AMD1: variants seen among roughly 807,000 people sequenced by gnomAD.
The protein encoded by AMD1 is S-adenosylmethionine decarboxylase proenzyme.
AMD1 carries 11 observed loss-of-function variants against 40.2 expected under a neutral mutation model. That is an observed-to-expected ratio of 0.27 (90% CI 0.17 to 0.45). The LOEUF is 0.45. AMD1 is among the 20% of genes least tolerant of loss of function. AMD1 has a pLI of 1.00. For missense variants in AMD1, 257 were observed against 410.2 expected (o/e 0.63, Z 3.23); for synonymous variants, 121 against 130.8 (o/e 0.93, Z 0.51).
chr6:110,820,762 G>A, the AMD1 span, among the ~76,000 whole-genome samples: 3,293 of 152,028 alleles, frequency 0.022, 351 homozygotes, highest in East Asian at 0.35. Context: ...AATTAGCAGG[G>A]CATGGTGGTG....
intron 1 of AMD1, among the ~76,000 whole-genome samples, chr6:110,885,875 T>C (rs1185789057): frequency 6.6e-6 from 1 of 152,226 alleles, no homozygotes; most frequent in East Asian, 1.9e-4. Context: ...CTACCAGGCA[T>C]GTTTGGTGTT....
Position 110,875,218 on chromosome 6 carries a change from G to T in AMD1, c.110+3G>T. On this transcript the variant is annotated splice_donor_region_variant and intron_variant, in intron 1 of 8. Coordinates refer to ENST00000368885, the MANE Select transcript of AMD1 (RefSeq NM_001634.6). ...GGGGATCTTCGCACTATCCCAAGGT[G>T]GGTCCCCGGGGCGCTCGCTGACATC... The T allele has an allele frequency of 3.1e-6, 5 of 1,599,934 alleles. No homozygotes were observed. The highest frequency in any genetic ancestry group is 4.3e-6 in the Non-Finnish European group (5 of 1,173,472).
chr6:110,858,953 C>G, the AMD1 span: 2 of 1,058,040 alleles, frequency 1.9e-6, no homozygotes, highest in South Asian at 2.5e-5. Context: ...AGTGTGACAA[C>G]TCCTCCATGT....
At chr6:110,817,501 C>T in the AMD1 span, among the ~76,000 whole-genome samples, 1 of 151,954 alleles carries the variant, frequency 6.6e-6, no homozygotes, top group Non-Finnish European at 1.5e-5. Flanking sequence ...CCCATTTACT[C>T]GGGAGGCTGA....
the AMD1 span, chr6:110,814,915 GCACGGCCCGACTGGGATCC>G: frequency 6.5e-7 from 1 of 1,546,092 alleles, no homozygotes; most frequent in Non-Finnish European, 8.8e-7. Context: ...CGCCCCTCGG[GCACGGCCCGACTGGGATCC>G]GACCCACCCA....
chr6:110,860,097 A>G, the AMD1 span, among the ~76,000 whole-genome samples: 6 of 152,080 alleles, frequency 3.9e-5, no homozygotes, highest in African/African-American at 1.4e-4. Flanking sequence ...CAAGTGCTGG[A>G]ATTACAGGCA....
the AMD1 span, among the ~76,000 whole-genome samples, chr6:110,838,063 CAAAAA>C: frequency 1.6e-5 from 1 of 61,178 alleles, no homozygotes. Context: ...GACTCCGTCT[CAAAAA>C]AAAAAAAAAA....
chr6:110,871,616 G>A (rs1468659733), upstream of AMD1, among the ~76,000 whole-genome samples: 1 of 152,176 alleles, frequency 6.6e-6, no homozygotes, highest in Non-Finnish European at 1.5e-5. Context: ...TAAGAGTGGA[G>A]ACAAAGAGGT....
At chr6:110,889,222 C>A (rs1449607836) in intron 3 of AMD1, 3 of 272,456 alleles carry the variant, frequency 1.1e-5, no homozygotes, top group Non-Finnish European at 2.0e-5. Context: ...CCAGACACTT[C>A]CAGTAGTTAA....
the AMD1 span, among the ~76,000 whole-genome samples, chr6:110,839,548 G>A: frequency 1.3e-5 from 2 of 152,146 alleles, no homozygotes; most frequent in Non-Finnish European, 2.9e-5. Flanking sequence ...TCAATCCCAG[G>A]AGGCAGAGGT....
chr6:110,867,004 G>T, the AMD1 span, among the ~76,000 whole-genome samples: 1 of 151,706 alleles, frequency 6.6e-6, no homozygotes, highest in Non-Finnish European at 1.5e-5. Context: ...TAGTAGAGAC[G>T]GGGTTTCACC....
chr6:110,893,617 T>C lies in AMD1; in HGVS notation c.*1T>C. ...GAAGCAGCAACAACAGCAGAGTTGA[T>C]TAAGAAAAATGAAGAAAAAACGCAA... On this transcript the variant is annotated 3_prime_UTR_variant, in exon 9 of 9. Coordinates refer to ENST00000368885, the MANE Select transcript of AMD1 (RefSeq NM_001634.6). The C allele has an allele frequency of 6.2e-7, 1 of 1,611,748 alleles. No homozygotes were observed. The highest frequency in any genetic ancestry group is 8.5e-7 in the Non-Finnish European group (1 of 1,179,676).
chr6:110,885,610 G>T (rs1785638251), intron 1 of AMD1, among the ~76,000 whole-genome samples: 2 of 152,024 alleles, frequency 1.3e-5, no homozygotes, highest in African/African-American at 4.8e-5. Flanking sequence ...TAATTTCAAG[G>T]GTTGTCACAG....
At position 110,881,924 on chromosome 6, in the gene AMD1, CT is replaced by C. The variant is rs1785429916; in HGVS notation, c.111-5579del. ...TAATGTGAACAAATCCCAAAATCAT[CT>C]TGCTATCTTGCTTCTCTTGATTCTG... On this transcript the variant is annotated intron_variant, in intron 1 of 8. Coordinates refer to ENST00000368885, the MANE Select transcript of AMD1 (RefSeq NM_001634.6). Among the ~76,000 whole-genome samples, 3 of 152,108 alleles carry C rather than the reference CT, an allele frequency of 2.0e-5. No individual in the cohort carries two copies. In the South Asian group the frequency reaches 6.2e-4, roughly 31 times the overall value.
the AMD1 span, among the ~76,000 whole-genome samples, chr6:110,869,357 C>T: frequency 6.6e-6 from 1 of 152,066 alleles, no homozygotes. Flanking sequence ...TGATCTCGAT[C>T]TCCTGACCTC....
At chr6:110,822,133 GA>G in the AMD1 span, among the ~76,000 whole-genome samples, 1 of 151,072 alleles carries the variant, frequency 6.6e-6, no homozygotes, top group Non-Finnish European at 1.5e-5. Context: ...AGCACTTTGG[GA>G]GGCCAAGGTG....
At chr6:110,882,901 A>G (rs1033861605) in intron 1 of AMD1, among the ~76,000 whole-genome samples, 2 of 152,168 alleles carry the variant, frequency 1.3e-5, no homozygotes, top group East Asian at 3.8e-4. Context: ...GGAGGATCTC[A>G]TTAGCCCAGG....
chr6:110,837,267 G>A, the AMD1 span, among the ~76,000 whole-genome samples: 2 of 144,048 alleles, frequency 1.4e-5, no homozygotes, highest in Admixed American at 1.4e-4. Context: ...CCAGGAGATC[G>A]AGATCAGTCT....
At chr6:110,844,545 G>A in the AMD1 span, among the ~76,000 whole-genome samples, 1 of 151,980 alleles carries the variant, frequency 6.6e-6, no homozygotes, top group Non-Finnish European at 1.5e-5. Context: ...ACTTTGGGAG[G>A]CTGAGGTGGG....
Sources: gnomAD v4.1 joint callset for allele counts (sites outside exome capture counted in the v4.1 genomes callset) on GRCh38, gnomAD v4.1.1 for gene constraint, MANE v1.5 for transcripts, NCBI Gene and HGNC (gene_info 2026-07-23, HGNC 2026-07-21) for gene names.